Variants in HDAC4 observed in about 807,000 individuals in gnomAD.
HDAC4 encodes histone deacetylase 4.
In HDAC4, 16 loss-of-function variants were observed where a neutral mutation model predicts 135.1. That is an observed-to-expected ratio of 0.12 (90% CI 0.08 to 0.18). The LOEUF (loss-of-function observed/expected upper bound fraction) is 0.18. Among genes scored for constraint, HDAC4 ranks in the 10% least tolerant of loss-of-function variants. HDAC4 has a pLI of 1.00. For missense variants in HDAC4, 1,143 were observed against 1,511.8 expected, an observed-to-expected ratio of 0.76 and a Z score of 4.05; for synonymous variants, 685 against 653.4, an observed-to-expected ratio of 1.05 and a Z score of -0.74.
At chr2:239,184,622 C>A (rs1470359803) in intron 4 of HDAC4, among the ~76,000 whole-genome samples, 1 of 133,536 alleles carries the variant, frequency 7.5e-6, no homozygotes, top group Non-Finnish European at 1.6e-5. Context: ...GAGGCTGTGC[C>A]CTATGATGGG....
intron 8 of HDAC4, among the ~76,000 whole-genome samples, chr2:239,144,105 A>G (rs776914835): frequency 5.9e-5 from 9 of 152,170 alleles, no homozygotes; most frequent in Non-Finnish European, 1.0e-4. Flanking sequence ...GCCAAGCTGA[A>G]GCAACTTCAC....
Position 239,331,301 on chromosome 2 carries a change from G to A in HDAC4, c.22+21377C>T, listed in dbSNP as rs528153360. ...AAAGCCACGAGAAGGAGGCAGGATG[G>A]GGGAGGGAAGACAAGCAGGAAGGGG... On this transcript the variant is annotated intron_variant, in intron 2 of 26. Transcript: ENST00000543185. The surrounding 1 kb of genome is among the most constrained non-coding windows in gnomAD (Gnocchi z 4.5). Among the ~76,000 whole-genome samples, 3 of 152,146 alleles carry A rather than the reference G, an allele frequency of 2.0e-5. No individual in the cohort carries two copies. The highest frequency in any genetic ancestry group is 4.4e-5 in the Non-Finnish European group (3 of 68,024).
At chr2:239,082,050 G>A (rs1347483224) in intron 21 of HDAC4, 52 bp downstream of exon 21, 16 of 1,581,914 alleles carry the variant, frequency 1.0e-5, no homozygotes, top group East Asian at 9.0e-5. Flanking sequence ...CCCCCACAGC[G>A]GCTCCCCGCA....
intron 7 of HDAC4, among the ~76,000 whole-genome samples, chr2:239,156,295 G>A (rs555933157): frequency 6.6e-5 from 10 of 152,266 alleles, no homozygotes; most frequent in Admixed American, 5.9e-4. Context: ...GCTCTCAGAC[G>A]GCACATGGCC....
intron 1 of HDAC4, among the ~76,000 whole-genome samples, chr2:239,374,217 T>C (rs935134079): frequency 3.9e-5 from 6 of 152,164 alleles, no homozygotes; most frequent in African/African-American, 1.4e-4. Flanking sequence ...GGAGATCACA[T>C]TGAGTAAATA....
Position 239,144,615 on chromosome 2 carries a change from G to C in HDAC4, c.833C>G (p.Thr278Ser), listed in dbSNP as rs1017213574. The change falls in exon 8 of 27, where the codon ACT becomes AGT. Residue 278 changes from threonine (T) to serine (S), a missense_variant. Thr to Ser is a moderately conservative substitution (Grantham distance 58, BLOSUM62 1). Around this residue, in one of 9 missense-constraint regions of HDAC4, gnomAD observed 272 missense variants for 309.7 expected, o/e 0.88. Transcript: ENST00000543185. ...LLRRKDGPVVTALKKRPLDVT... is the reference protein window; with the variant it reads ...LLRRKDGPVVSALKKRPLDVT... ...ATCCAACGGACGCTTTTTTAGAGCAGTGACCACTGGCCCGTCTTTCCTGCG... is the reference window on the plus strand; with the variant it reads ...ATCCAACGGACGCTTTTTTAGAGCACTGACCACTGGCCCGTCTTTCCTGCG... 1 of 1,614,098 alleles carries C rather than the reference G, an allele frequency of 6.2e-7. No individual in the cohort carries two copies. Among genetic ancestry groups the C allele is most frequent in the African/African-American group, 1.3e-5 (1 of 74,940 alleles).
Position 239,139,777 on chromosome 2 carries a change from G to A in HDAC4, c.885C>T (p.Ala295=), listed in dbSNP as rs746785477. Residue 295 remains alanine, a synonymous_variant, in exon 9 of 27, where the codon GCC becomes GCT. Coordinates refer to ENST00000543185, the MANE Select transcript of HDAC4 (RefSeq NM_001378414.1). The surrounding 1 kb of genome is among the most constrained non-coding windows in gnomAD (Gnocchi z 5.3). ...LDVTDSACSS[A]PGSGPSSPNN... ...TGGGTGAGCTGGGTCCGGAGCCTGG[G>A]GCGCTGCTGCACGCGGAGTCTGCGG... 5.6e-6 allele frequency: 9 copies of A among 1,613,948 alleles called. No homozygotes were observed. Among genetic ancestry groups the A allele is most frequent in the East Asian group, 4.5e-5 (2 of 44,892 alleles).
chr2:239,380,960 A>G (rs1338573606), intron 1 of HDAC4, among the ~76,000 whole-genome samples: 1 of 152,178 alleles, frequency 6.6e-6, no homozygotes, highest in Admixed American at 6.5e-5. Flanking sequence ...GGATGCAAGG[A>G]GCAAACACGG....
upstream of HDAC4, chr2:239,401,364 G>A (rs974032338): frequency 3.2e-5 from 5 of 155,288 alleles, no homozygotes; most frequent in Middle Eastern, 3.2e-3. Flanking sequence ...GGACCTCATT[G>A]GCTGCTGGAG....
chr2:239,125,123 A>C (rs1182556625), intron 12 of HDAC4, among the ~76,000 whole-genome samples: 1 of 152,094 alleles, frequency 6.6e-6, no homozygotes, highest in African/African-American at 2.4e-5. Context: ...TACGGTTTGG[A>C]TCTGTGTCCC....
rs998324711 is a variant in HDAC4 at position 239,262,664 on chromosome 2, AG to A, written c.23-26001del. On this transcript the variant is annotated intron_variant, in intron 2 of 26. Transcript: ENST00000543185. The surrounding 1 kb of genome is among the most constrained non-coding windows in gnomAD (Gnocchi z 4.1). ...GGACCAACGAGACCTGGGCTAGTGCAGGGGTGGGCAGGCACCACAAGCGGGA... is the reference window on the plus strand; with the variant it reads ...GGACCAACGAGACCTGGGCTAGTGCAGGGTGGGCAGGCACCACAAGCGGGA... Among the ~76,000 whole-genome samples the A allele has an allele frequency of 5.9e-5, 9 of 152,162 alleles. No individual in the cohort carries two copies. Among genetic ancestry groups the A allele is most frequent in the African/African-American group, 2.2e-4 (9 of 41,440 alleles).
At chr2:239,130,749 C>G (rs2040519574) in intron 11 of HDAC4, among the ~76,000 whole-genome samples, 1 of 152,176 alleles carries the variant, frequency 6.6e-6, no homozygotes, top group Non-Finnish European at 1.5e-5. Context: ...TGGTCTCCAG[C>G]CTTCTCCTCC....
intron 4 of HDAC4, among the ~76,000 whole-genome samples, chr2:239,177,905 T>C (rs2043874835): frequency 6.6e-6 from 1 of 152,236 alleles, no homozygotes; most frequent in South Asian, 2.1e-4. Context: ...CAATTTGGCC[T>C]GGCGCTGACG....
intron 1 of HDAC4, among the ~76,000 whole-genome samples, chr2:239,377,439 C>T (rs981082107): frequency 6.6e-5 from 10 of 152,346 alleles, no homozygotes; most frequent in South Asian, 4.1e-4. Context: ...GCTGCCCCGA[C>T]GCCTGCATCC....
intron 7 of HDAC4, among the ~76,000 whole-genome samples, chr2:239,155,826 G>C (rs1011332992): frequency 6.6e-6 from 1 of 152,178 alleles, no homozygotes; most frequent in African/African-American, 2.4e-5. Flanking sequence ...GCAGTTTGTA[G>C]GATCCACTGG....
At chr2:239,198,293 G>GT (rs2045535438) in intron 3 of HDAC4, among the ~76,000 whole-genome samples, 1 of 152,210 alleles carries the variant, frequency 6.6e-6, no homozygotes, top group African/African-American at 2.4e-5. Context: ...GCACAGTCTG[G>GT]TTCTCAATGC....
At chr2:239,251,496 G>A (rs1364851651) in intron 2 of HDAC4, among the ~76,000 whole-genome samples, 1 of 152,172 alleles carries the variant, frequency 6.6e-6, no homozygotes, top group Non-Finnish European at 1.5e-5. Context: ...TTGGGAGGCT[G>A]AGGCACGAGG....
At chr2:239,391,284 A>G (rs1050004160) in intron 1 of HDAC4, among the ~76,000 whole-genome samples, 5 of 152,210 alleles carry the variant, frequency 3.3e-5, no homozygotes, top group Non-Finnish European at 7.3e-5. Context: ...TCTGTAAACT[A>G]TGACACAGTC....
intron 2 of HDAC4, among the ~76,000 whole-genome samples, chr2:239,340,738 G>A (rs1258504902): frequency 6.6e-6 from 1 of 152,150 alleles, no homozygotes; most frequent in African/African-American, 2.4e-5. Flanking sequence ...CCCGTGCTGA[G>A]GGCCACACTG....
Sources: allele counts gnomAD v4.1 joint callset (sites outside exome capture counted in the v4.1 genomes callset), GRCh38; gene constraint gnomAD v4.1.1; regional missense constraint gnomAD v4.1.1; non-coding constraint Gnocchi (gnomAD v3.1); transcripts MANE v1.5; gene names NCBI Gene and HGNC (gene_info 2026-07-23, HGNC 2026-07-21).